The following USP47 variants were observed in gnomAD, a reference collection of about 807,000 sequenced individuals.
The protein encoded by USP47 is ubiquitin carboxyl-terminal hydrolase 47.
USP47 carries 35 observed loss-of-function variants against 165.1 expected under a neutral mutation model. The ratio of observed to expected loss-of-function variants is 0.21; its 90% CI spans 0.16 to 0.28. USP47 has a LOEUF of 0.28. Ranked by LOEUF, USP47 falls within the 10% of genes least tolerant of loss-of-function variation. The pLI is 1.00. For synonymous variants in USP47, 531 were observed against 544.5 expected, an observed-to-expected ratio of 0.98 and a Z score of 0.35; for missense variants, 1,277 against 1,607.4, an observed-to-expected ratio of 0.79 and a Z score of 3.52.
In USP47 at chr11:11,881,951, T is replaced by C. The variant is rs146523879; in HGVS notation, c.243+1571T>C. Among the ~76,000 whole-genome samples, 211 of 152,224 alleles carry C rather than the reference T, an allele frequency of 1.4e-3. 1 individual carries two copies. The highest frequency in any genetic ancestry group is 4.5e-3 in the Admixed American group (68 of 15,262). ...AACATAGCAGAGGTACTGATCACTTTTGCATGGGAGTGTGGTTAAGGAAGA... is the reference window on the plus strand; with the variant it reads ...AACATAGCAGAGGTACTGATCACTTCTGCATGGGAGTGTGGTTAAGGAAGA... On this transcript the variant is annotated intron_variant, in intron 2 of 27. Coordinates refer to ENST00000527733, the MANE Select transcript of USP47 (RefSeq NM_001282659.2).
intron 7 of USP47, among the ~76,000 whole-genome samples, chr11:11,905,155 T>A (rs1852476526): frequency 1.3e-5 from 2 of 151,714 alleles, no homozygotes; most frequent in Admixed American, 1.3e-4. Flanking sequence ...CTCAAATTAG[T>A]GTTAATCTAA....
At position 11,920,465 on chromosome 11, in the gene USP47, A is replaced by T. The variant is rs1247551417; in HGVS notation, c.1189A>T (p.Met397Leu). ...AATGACATTTCCCGAGGAACTAGAT[A>T]TGAGTACTTTTATTGATGTTGAAGA... Reference protein sequence around the residue: ...DRMTFPEELDMSTFIDVEDEK... With the variant: ...DRMTFPEELDLSTFIDVEDEK... The change falls in exon 10 of 28, where the codon ATG (methionine) becomes TTG (leucine). Residue 397 changes from methionine to leucine, a missense_variant. Physicochemically the swap from Met to Leu is conservative, Grantham distance 15 (BLOSUM62 2). Transcript: ENST00000527733. The T allele has an allele frequency of 6.2e-7, 1 of 1,609,384 alleles. No individual in the cohort carries two copies. Among genetic ancestry groups the T allele is most frequent in the East Asian group, 2.2e-5 (1 of 44,720 alleles).
At chr11:11,878,628 G>A (rs1417400363) in intron 1 of USP47, 2 of 151,888 alleles carry the variant, frequency 1.3e-5, no homozygotes, top group East Asian at 1.9e-4. Context: ...TCACAGAAAT[G>A]TATTTTCTTT....
chr11:11,872,734 C>T (rs1850149108), intron 1 of USP47, among the ~76,000 whole-genome samples: 1 of 151,952 alleles, frequency 6.6e-6, no homozygotes. Context: ...GTGAAAGGCA[C>T]CATGTATTAA....
intron 1 of USP47, among the ~76,000 whole-genome samples, chr11:11,852,924 A>C (rs1848809758): frequency 6.6e-6 from 1 of 152,206 alleles, no homozygotes; most frequent in South Asian, 2.1e-4. Context: ...CCCTGACTGA[A>C]TACTATGAAG....
chr11:11,895,419 AT>A lies in USP47; in HGVS notation c.497-2176del, dbSNP rs1851786404. 2.0e-5 allele frequency among the ~76,000 whole-genome samples: 3 copies of A among 152,178 alleles called. No individual in the cohort carries two copies. In the South Asian group the frequency reaches 6.2e-4, roughly 31 times the overall value. On this transcript the variant is annotated intron_variant, in intron 4 of 27. Coordinates refer to ENST00000527733, the MANE Select transcript of USP47 (RefSeq NM_001282659.2). ...ATTTTATCAGGGGTTGTGTTCAGAA[AT>A]TATTGTATCAGATAAAATTATTTAA...
chr11:11,930,561 TCA>T, intron 13 of USP47, 133 bp from the exon 14 acceptor site: 2 of 689,348 alleles, frequency 2.9e-6, no homozygotes, highest in Non-Finnish European at 2.4e-6. Context: ...GTTTTAAATC[TCA>T]GTGTGTCTGT....
rs1403311999 is a variant in USP47, at chr11:11,959,245, G to A, written c.*3070G>A. 6.6e-6 allele frequency: 1 copy of A among 152,190 alleles called. No homozygotes were observed. The highest frequency in any genetic ancestry group is 1.5e-5 in the Non-Finnish European group (1 of 68,036). 9.4% of individuals were successfully genotyped at this position (152,190 alleles called of 1,614,324 possible). A position where few individuals can be genotyped will look rare whatever the true frequency, so the allele number is the denominator to read the frequency against. On this transcript the variant is annotated 3_prime_UTR_variant, in exon 28 of 28. Coordinates refer to ENST00000527733, the MANE Select transcript of USP47 (RefSeq NM_001282659.2). ...TCAAGGCCCTAATTTTGCAAATGTAGTCTAAACCACATTACGTGGACTAGA... is the reference window on the plus strand; with the variant it reads ...TCAAGGCCCTAATTTTGCAAATGTAATCTAAACCACATTACGTGGACTAGA...
intron 11 of USP47, among the ~76,000 whole-genome samples, chr11:11,927,721 T>C (rs1008957097): frequency 4.6e-5 from 7 of 152,132 alleles, no homozygotes; most frequent in Non-Finnish European, 1.0e-4. Context: ...TGTTTGAAGA[T>C]GTATCCCCTT....
chr11:11,852,535 G>C (rs1158783591), intron 1 of USP47, among the ~76,000 whole-genome samples: 1 of 152,078 alleles, frequency 6.6e-6, no homozygotes, highest in Non-Finnish European at 1.5e-5. Flanking sequence ...CCCAACCCTG[G>C]AATCAACCAG....
chr11:11,859,023 C>G (rs1186634288), intron 1 of USP47, among the ~76,000 whole-genome samples: 3 of 151,994 alleles, frequency 2.0e-5, no homozygotes, highest in Non-Finnish European at 2.9e-5. Context: ...TTGGCAGTGT[C>G]AGTTTTTTTT....
At chr11:11,899,448 T>G (rs1218551966) in intron 5 of USP47, among the ~76,000 whole-genome samples, 1 of 152,208 alleles carries the variant, frequency 6.6e-6, no homozygotes, top group Admixed American at 6.5e-5. Context: ...TAAGAGAAAG[T>G]ACCTCATTTA....
intron 13 of USP47, 70 bp downstream of exon 13, chr11:11,930,190 A>C (rs61870734): frequency 0.023 from 32,789 of 1,396,166 alleles, 498 homozygotes; most frequent in Middle Eastern, 0.039. Context: ...TTTTTTTATC[A>C]TCAAAGATTT....
At chr11:11,894,672 T>C (rs1051784805) in intron 4 of USP47, among the ~76,000 whole-genome samples, 1 of 152,158 alleles carries the variant, frequency 6.6e-6, no homozygotes, top group Non-Finnish European at 1.5e-5. Flanking sequence ...ATTCAGTCAT[T>C]TTTGCACCAA....
chr11:11,844,863 C>G (rs1020758593), intron 1 of USP47, among the ~76,000 whole-genome samples: 12 of 151,930 alleles, frequency 7.9e-5, no homozygotes, highest in African/African-American at 2.9e-4. Flanking sequence ...GTCCCTGAAA[C>G]TCAAGGACAA....
Position 11,939,907 on chromosome 11 carries a change from A to G in USP47, c.2194-522A>G, listed in dbSNP as rs187787632. Among the ~76,000 whole-genome samples, 1,039 of 152,144 alleles carry G rather than the reference A, an allele frequency of 6.8e-3. 7 individuals carry two copies. Among genetic ancestry groups the G allele is most frequent in the Non-Finnish European group, 0.011 (774 of 67,938 alleles). ...ATTTTTATCTGCTGCTTTCATGTCA[A>G]TTTATAAAATGACTCCAAAAATTAA... On this transcript the variant is annotated intron_variant, in intron 18 of 27. Coordinates refer to ENST00000527733, the MANE Select transcript of USP47 (RefSeq NM_001282659.2).
intron 1 of USP47, among the ~76,000 whole-genome samples, chr11:11,877,831 G>T (rs1196606591): frequency 1.2e-5 from 1 of 82,048 alleles, no homozygotes; most frequent in Non-Finnish European, 2.5e-5. Context: ...GTGTGTGTGT[G>T]TGTGTGTGTG....
chr11:11,926,122 A>G (rs1038369452), intron 11 of USP47, among the ~76,000 whole-genome samples: 2 of 152,192 alleles, frequency 1.3e-5, no homozygotes, highest in Non-Finnish European at 2.9e-5. Flanking sequence ...ATGCATGAAT[A>G]TTCATCAAAG....
intron 19 of USP47, among the ~76,000 whole-genome samples, chr11:11,941,568 C>T (rs1855474820): frequency 6.6e-6 from 1 of 151,956 alleles, no homozygotes; most frequent in Admixed American, 6.6e-5. Context: ...CCACACATCC[C>T]CATCTCTCAG....
Sources: allele counts gnomAD v4.1 joint callset (sites outside exome capture counted in the v4.1 genomes callset), GRCh38; gene constraint gnomAD v4.1.1; transcripts MANE v1.5; gene names NCBI Gene and HGNC (gene_info 2026-07-23, HGNC 2026-07-21).